MAOB: variants seen among roughly 807,000 people sequenced by gnomAD.
MAOB encodes amine oxidase [flavin-containing] B.
A neutral mutation model predicts 41.9 loss-of-function variants in MAOB; 15 were observed. The observed-to-expected ratio is 0.36, with a 90% CI of 0.24 to 0.55. The LOEUF is 0.55. Among genes scored for constraint, MAOB ranks in the 20% least tolerant of loss-of-function variants. MAOB has a pLI of 0.86. For missense variants in MAOB, 345 were observed against 398.7 expected (o/e 0.87, Z 1.15); for synonymous variants, 167 against 144.2 (o/e 1.16, Z -1.13).
At chrX:43,872,891 A>G (rs772704391) in intron 1 of MAOB, among the ~76,000 whole-genome samples, 1 of 112,112 alleles carries the variant, frequency 8.9e-6, no homozygotes, top group East Asian at 2.8e-4. Context: ...CATTTTCTAT[A>G]ATTTACAGAT....
chrX:43,792,543 C>A (rs982872223), intron 8 of MAOB, among the ~76,000 whole-genome samples: 6 of 112,051 alleles, frequency 5.4e-5, no homozygotes, highest in Non-Finnish European at 1.1e-4. Context: ...TGAACAGACA[C>A]TTCTCAAAAG....
At chrX:43,808,483 A>G (rs1041006080) in intron 3 of MAOB, among the ~76,000 whole-genome samples, 19 of 110,704 alleles carry the variant, frequency 1.7e-4, no homozygotes, top group African/African-American at 5.3e-4. Context: ...TCCTGGAAAC[A>G]TAAAGACAAT....
intron 3 of MAOB, among the ~76,000 whole-genome samples, chrX:43,816,024 C>T (rs2034810065): frequency 8.9e-6 from 1 of 112,229 alleles, no homozygotes; most frequent in Non-Finnish European, 1.9e-5. Flanking sequence ...GTATACCATA[C>T]ATCAAGGGGA....
At chrX:43,802,086 A>T in intron 5 of MAOB, 86 bp downstream of exon 5, 1 of 748,844 alleles carries the variant, frequency 1.3e-6, no homozygotes, top group Non-Finnish European at 2.0e-6. Context: ...CAAAGCAGCT[A>T]CTTGTCCCAT....
chrX:43,766,622 A>G lies in MAOB; in HGVS notation c.*844T>C, dbSNP rs139274476. The G allele has an allele frequency of 9.8e-5, 11 of 112,158 alleles. No individual in the cohort carries two copies. In the East Asian group the frequency reaches 3.1e-3, roughly 31 times the overall value. The allele number at this position is 112,158 out of a possible 1,213,427, so 9.2% of individuals were successfully genotyped here. On this transcript the variant is annotated 3_prime_UTR_variant, in exon 15 of 15. Transcript: ENST00000378069. ...AAAGGACAGCAGATATGGTCAATCA[A>G]CTTTTATTTTTAATTACCCAAGTGT...
intron 1 of MAOB, among the ~76,000 whole-genome samples, chrX:43,860,790 C>T (rs2035326578): frequency 9.0e-6 from 1 of 111,121 alleles, no homozygotes; most frequent in Admixed American, 9.6e-5. Flanking sequence ...TCTTTCCTAC[C>T]ACCCCTTGCT....
At chrX:43,848,297 T>C (rs2035224620) in intron 1 of MAOB, among the ~76,000 whole-genome samples, 1 of 111,712 alleles carries the variant, frequency 9.0e-6, no homozygotes, top group African/African-American at 3.3e-5. Context: ...ACTCTTCATA[T>C]CAAAATTTGA....
At chrX:43,865,678 ATGT>A (rs745493356) in intron 1 of MAOB, among the ~76,000 whole-genome samples, 12 of 111,092 alleles carry the variant, frequency 1.1e-4, no homozygotes, top group Non-Finnish European at 2.3e-4. Context: ...TTCATGAAAA[ATGT>A]TGTAGCAGGT....
chrX:43,863,458 C>T (rs1411700747), intron 1 of MAOB, among the ~76,000 whole-genome samples: 2 of 111,581 alleles, frequency 1.8e-5, no homozygotes, highest in East Asian at 5.6e-4. Context: ...CGCACACACA[C>T]ATAGCCAAAA....
chrX:43,840,868 G>A (rs1362115395), intron 2 of MAOB, among the ~76,000 whole-genome samples: 3 of 108,681 alleles, frequency 2.8e-5, no homozygotes, highest in Non-Finnish European at 5.7e-5. Context: ...CGGCCATTTG[G>A]GCAGACACCG....
At chrX:43,782,715 T>C (rs1030545592) in intron 8 of MAOB, among the ~76,000 whole-genome samples, 1 of 111,876 alleles carries the variant, frequency 8.9e-6, no homozygotes, top group African/African-American at 3.3e-5. Flanking sequence ...CCAATATCCC[T>C]GATGAACATC....
chrX:43,816,679 C>T (rs186670604), intron 3 of MAOB, among the ~76,000 whole-genome samples: 163 of 112,218 alleles, frequency 1.5e-3, no homozygotes, highest in Non-Finnish European at 3.9e-4. Flanking sequence ...TATCACTAGA[C>T]AAGGTAATTT....
intron 8 of MAOB, among the ~76,000 whole-genome samples, chrX:43,781,996 G>A (rs2034339195): frequency 8.9e-6 from 1 of 112,106 alleles, no homozygotes; most frequent in African/African-American, 3.2e-5. Context: ...GCAGTGTTTA[G>A]AGGGAAATTT....
intron 1 of MAOB, among the ~76,000 whole-genome samples, chrX:43,846,620 G>A (rs1270837367): frequency 9.0e-6 from 1 of 111,143 alleles, no homozygotes; most frequent in African/African-American, 3.3e-5. Context: ...TAGAAGGAGG[G>A]AATTTTAGGG....
rs144884228 is a variant in MAOB, at chrX:43,822,873, T to G, written c.279+15995A>C. Among the ~76,000 whole-genome samples, 580 of 111,376 alleles carry G rather than the reference T, an allele frequency of 5.2e-3. 3 individuals are homozygous for G. The highest frequency in any genetic ancestry group is 7.2e-3 in the Non-Finnish European group (382 of 53,085). ...ACCACCACCACCACCAGTATCATCA[T>G]GATCATTACCACCATCACCATCATC... On this transcript the variant is annotated intron_variant, in intron 3 of 14. Coordinates refer to ENST00000378069, the MANE Select transcript of MAOB (RefSeq NM_000898.5).
In MAOB at chrX:43,784,099, T is replaced by C. The variant is rs1237309088; in HGVS notation, c.929-2555A>G. 2.7e-5 allele frequency among the ~76,000 whole-genome samples: 3 copies of C among 112,170 alleles called. No individual in the cohort carries two copies. The Admixed American group carries it at 2.8e-4, about 11-fold the overall frequency. On this transcript the variant is annotated intron_variant, in intron 8 of 14. Transcript: ENST00000378069. The stretch of plus-strand genomic sequence containing the variant: ...CAGGTTCCACTTATGATTCTAATTC[T>C]CTTGCTATTTCCACCATATCTGCAG...
At chrX:43,853,267 C>CAAAA (rs397957481) in intron 1 of MAOB, among the ~76,000 whole-genome samples, 13 of 26,379 alleles carry the variant, frequency 4.9e-4, no homozygotes, top group East Asian at 9.3e-4. Flanking sequence ...GAGTCCGTCT[C>CAAAA]AAAAAAAAAA....
chrX:43,817,515 C>G (rs775063573), intron 3 of MAOB, among the ~76,000 whole-genome samples: 7 of 111,806 alleles, frequency 6.3e-5, no homozygotes, highest in Non-Finnish European at 1.3e-4. Context: ...CCTTTGGCCC[C>G]CAGAATCTCC....
rs144792723 is a variant in MAOB at position 43,838,880 on chromosome X, G to A, written c.267C>T (p.Ile89=). ...GGCCTGATCTTACCTTTACATGGTG[G>A]ATCAGACGCTCAACCTCATTCACTT... The part of the protein sequence containing the change: ...TYKVNEVERL[I]HHVKGKSYPF... Residue 89 remains isoleucine, a synonymous_variant, in exon 3 of 15, where the codon ATC becomes ATT. Coordinates refer to ENST00000378069, the MANE Select transcript of MAOB (RefSeq NM_000898.5). The A allele has an allele frequency of 3.3e-6, 4 of 1,197,078 alleles. No homozygotes were observed. In the African/African-American group the frequency reaches 7.1e-5, roughly 21 times the overall value.
Sources: gnomAD v4.1 joint callset for allele counts (sites outside exome capture counted in the v4.1 genomes callset) on GRCh38, gnomAD v4.1.1 for gene constraint, MANE v1.5 for transcripts, NCBI Gene and HGNC (gene_info 2026-07-23, HGNC 2026-07-21) for gene names.